Variants in CTNNA3 observed in about 807,000 individuals in gnomAD.
CTNNA3 encodes catenin alpha-3.
Under a neutral mutation model 95.7 loss-of-function variants are expected in CTNNA3, and 76 were observed. That is an observed-to-expected ratio of 0.79 (90% CI 0.66 to 0.96). The LOEUF (loss-of-function observed/expected upper bound fraction) is 0.96, where lower values mean the gene tolerates loss of function less well. CTNNA3 is among the 40% of genes least tolerant of loss of function. The pLI, the probability that CTNNA3 is intolerant of heterozygous loss-of-function variation, is 0.00. For synonymous variants in CTNNA3, 431 were observed against 374.4 expected (o/e 1.15, Z -1.74); for missense variants, 1,191 against 1,089.8 (o/e 1.09, Z -1.31).
intron 2 of CTNNA3, among the ~76,000 whole-genome samples, chr10:67,640,875 A>C (rs1839506358): frequency 6.6e-6 from 1 of 152,218 alleles, no homozygotes; most frequent in African/African-American, 2.4e-5. Context: ...TAAAGACTTA[A>C]ATGTTAGACC....
intron 15 of CTNNA3, among the ~76,000 whole-genome samples, chr10:66,066,956 A>G (rs1169389116): frequency 6.6e-6 from 1 of 151,960 alleles, no homozygotes; most frequent in Non-Finnish European, 1.5e-5. Flanking sequence ...CAATTTTTCT[A>G]TTATTTTAAA....
intron 10 of CTNNA3, among the ~76,000 whole-genome samples, chr10:66,586,741 G>A (rs1843371986): frequency 6.6e-6 from 1 of 152,070 alleles, no homozygotes; most frequent in Non-Finnish European, 1.5e-5. Flanking sequence ...TTTGACTGTT[G>A]GGGTAGAGCT....
chr10:66,612,099 G>C (rs1844349227), intron 10 of CTNNA3, among the ~76,000 whole-genome samples: 1 of 151,914 alleles, frequency 6.6e-6, no homozygotes, highest in African/African-American at 2.4e-5. Context: ...CAGGTACTAG[G>C]CTATAAACCT....
intron 9 of CTNNA3, among the ~76,000 whole-genome samples, chr10:66,712,207 T>C (rs1848317331): frequency 6.6e-6 from 1 of 152,092 alleles, no homozygotes; most frequent in African/African-American, 2.4e-5. Context: ...AAATGCTAAA[T>C]AATAAACATG....
intron 5 of CTNNA3, among the ~76,000 whole-genome samples, chr10:67,452,541 T>C (rs1344612704): frequency 6.6e-6 from 1 of 152,216 alleles, no homozygotes; most frequent in Non-Finnish European, 1.5e-5. Context: ...AATTTTTCTA[T>C]ATCAAAAACT....
intron 15 of CTNNA3, among the ~76,000 whole-genome samples, chr10:66,039,594 A>T (rs1269531811): frequency 6.6e-6 from 1 of 152,172 alleles, no homozygotes; most frequent in Non-Finnish European, 1.5e-5. Flanking sequence ...CAACCATCTG[A>T]TCTTGGACAA....
chr10:67,430,150 C>G (rs1260270214), intron 5 of CTNNA3, among the ~76,000 whole-genome samples: 1 of 151,984 alleles, frequency 6.6e-6, no homozygotes, highest in African/African-American at 2.4e-5. Flanking sequence ...TCCTCCTACT[C>G]TTAAACATTC....
chr10:67,508,842 T>C (rs1327623766), intron 5 of CTNNA3, among the ~76,000 whole-genome samples: 2 of 151,688 alleles, frequency 1.3e-5, no homozygotes, highest in African/African-American at 4.8e-5. Context: ...GACCCACAAA[T>C]AACCTAATTA....
chr10:67,660,164 A>G (rs533647244), intron 1 of CTNNA3, among the ~76,000 whole-genome samples: 2 of 152,164 alleles, frequency 1.3e-5, no homozygotes, highest in Non-Finnish European at 2.9e-5. Flanking sequence ...TTTAAATCTA[A>G]CCATCCAAGT....
intron 12 of CTNNA3, among the ~76,000 whole-genome samples, chr10:66,316,971 T>C (rs1244000073): frequency 1.3e-5 from 2 of 152,048 alleles, no homozygotes; most frequent in African/African-American, 2.4e-5. Context: ...TAATTAGTGA[T>C]CTTAAAAGCA....
chr10:66,201,929 C>A, intron 13 of CTNNA3, among the ~76,000 whole-genome samples: 1 of 151,632 alleles, frequency 6.6e-6, no homozygotes, highest in East Asian at 2.0e-4. Flanking sequence ...GCTGGGATTA[C>A]AGGTGCCTGG....
At chr10:66,422,956 C>T (rs1360155221) in intron 11 of CTNNA3, among the ~76,000 whole-genome samples, 1 of 151,890 alleles carries the variant, frequency 6.6e-6, no homozygotes, top group African/African-American at 2.4e-5. Context: ...AAGAAGTTTG[C>T]TATGCCAAGA....
chr10:67,736,117 A>C lies in CTNNA3; in HGVS notation c.-2+27317T>G, dbSNP rs185707972. Among the ~76,000 whole-genome samples, 752 of 152,334 alleles carry C rather than the reference A, an allele frequency of 4.9e-3. 5 individuals are homozygous for C. Among genetic ancestry groups the C allele is most frequent in the African/African-American group, 0.017 (709 of 41,582 alleles). On this transcript the variant is annotated intron_variant, in intron 1 of 17. Coordinates refer to the CTNNA3 transcript ENST00000684154. ...AATGAAATATTATTTAGCCAAAAAA[A>C]GAATTAAATTCTGATACATGCTATA...
chr10:66,508,507 A>T (rs4359087), intron 11 of CTNNA3, among the ~76,000 whole-genome samples: 23,139 of 151,984 alleles, frequency 0.15, 1,830 homozygotes, highest in Non-Finnish European at 0.17. Context: ...GCTTCCCTAT[A>T]TGAGCCACAA....
intron 5 of CTNNA3, among the ~76,000 whole-genome samples, chr10:67,405,393 T>C (rs112996618): frequency 0.042 from 6,354 of 152,086 alleles, 192 homozygotes; most frequent in South Asian, 0.1. Context: ...GGGATTGCAA[T>C]CCTAGCATCT....
intron 17 of CTNNA3, among the ~76,000 whole-genome samples, chr10:65,950,786 T>C (rs774450871): frequency 1.5e-4 from 23 of 152,220 alleles, no homozygotes; most frequent in Non-Finnish European, 2.5e-4. Flanking sequence ...AATAAGAATA[T>C]AGTAATTATT....
chr10:67,052,392 T>G (rs1314860342), intron 7 of CTNNA3, among the ~76,000 whole-genome samples: 1 of 150,978 alleles, frequency 6.6e-6, no homozygotes, highest in Non-Finnish European at 1.5e-5. Context: ...TACTGTCTAT[T>G]CCATGGGCTT....
At chr10:67,614,755 G>C (rs1393351667) in intron 2 of CTNNA3, among the ~76,000 whole-genome samples, 1 of 152,146 alleles carries the variant, frequency 6.6e-6, no homozygotes, top group Non-Finnish European at 1.5e-5. Flanking sequence ...CCTAGGGGTT[G>C]GGGACCCCTG....
intron 13 of CTNNA3, among the ~76,000 whole-genome samples, chr10:66,159,681 C>T (rs2133930287): frequency 7.2e-6 from 1 of 138,352 alleles, no homozygotes; most frequent in South Asian, 2.3e-4. Context: ...TAGCATGATG[C>T]TGGCTTCATA....
Sources: allele counts gnomAD v4.1 joint callset (sites outside exome capture counted in the v4.1 genomes callset), GRCh38; gene constraint gnomAD v4.1.1; transcripts MANE v1.5; gene names NCBI Gene and HGNC (gene_info 2026-07-23, HGNC 2026-07-21).